Variants in SNX29 observed in about 807,000 individuals in gnomAD.
SNX29 encodes the protein sorting nexin 29, also known as sorting nexin-29.
Under a neutral mutation model 102.1 loss-of-function variants are expected in SNX29, and 78 were observed. That is an observed-to-expected ratio of 0.76 (90% CI 0.64 to 0.92). The LOEUF is 0.92. Ranked by LOEUF, SNX29 falls within the 40% of genes least tolerant of loss-of-function variation. SNX29 has a pLI of 0.00. For missense variants in SNX29, 1,280 were observed against 1,061.7 expected, an observed-to-expected ratio of 1.21 and a Z score of -2.86; for synonymous variants, 580 against 414.5, an observed-to-expected ratio of 1.40 and a Z score of -4.85.
chr16:12,212,211 A>G (rs2077204732), intron 14 of SNX29, among the ~76,000 whole-genome samples: 1 of 152,118 alleles, frequency 6.6e-6, no homozygotes, highest in African/African-American at 2.4e-5. Context: ...AAAATGCGCC[A>G]TGTTCGCCTT....
intron 13 of SNX29, among the ~76,000 whole-genome samples, chr16:12,171,242 G>T (rs1033430123): frequency 1.3e-5 from 2 of 152,080 alleles, no homozygotes; most frequent in Non-Finnish European, 2.9e-5. Flanking sequence ...CTATCTTCAC[G>T]TGATGACTAA....
chr16:12,528,707 C>G (rs970948705), intron 20 of SNX29, among the ~76,000 whole-genome samples: 6 of 152,198 alleles, frequency 3.9e-5, no homozygotes, highest in African/African-American at 9.7e-5. Flanking sequence ...GTTTGCAGTC[C>G]TGGCTCTTCT....
At chr16:12,417,931 G>A (rs772320990) in intron 18 of SNX29, among the ~76,000 whole-genome samples, 59 of 152,106 alleles carry the variant, frequency 3.9e-4, no homozygotes, top group Non-Finnish European at 7.6e-4. Flanking sequence ...TGGCTTCTTG[G>A]TACTCCGCAC....
chr16:12,303,585 C>T (rs903638638), intron 15 of SNX29, among the ~76,000 whole-genome samples: 1 of 152,126 alleles, frequency 6.6e-6, no homozygotes, highest in Non-Finnish European at 1.5e-5. Context: ...AAGGCAAGGG[C>T]ATGGTAACCA....
chr16:12,223,160 G>A (rs542002051), intron 14 of SNX29, among the ~76,000 whole-genome samples: 1 of 152,334 alleles, frequency 6.6e-6, no homozygotes, highest in South Asian at 2.1e-4. Flanking sequence ...CTACCACTCA[G>A]CAGCTGTGTG....
At chr16:12,082,263 C>T (rs9939383) in intron 11 of SNX29, among the ~76,000 whole-genome samples, 33,197 of 151,842 alleles carry the variant, frequency 0.22, 3,837 homozygotes, top group South Asian at 0.33. Flanking sequence ...TTTGTAGGCA[C>T]CGTAAGTAGG....
At chr16:12,118,944 T>C (rs960603680) in intron 11 of SNX29, among the ~76,000 whole-genome samples, 8 of 152,216 alleles carry the variant, frequency 5.3e-5, no homozygotes, top group African/African-American at 1.9e-4. Flanking sequence ...GGTGGAATGC[T>C]GCTTTGTAAA....
intron 13 of SNX29, among the ~76,000 whole-genome samples, chr16:12,162,030 C>T (rs927116713): frequency 3.3e-5 from 5 of 152,206 alleles, no homozygotes; most frequent in African/African-American, 1.2e-4. Flanking sequence ...TTCTTTTCAC[C>T]TTGCTCCTCT....
At chr16:12,460,476 C>T (rs909977339) in intron 18 of SNX29, among the ~76,000 whole-genome samples, 2 of 152,100 alleles carry the variant, frequency 1.3e-5, no homozygotes, top group Non-Finnish European at 2.9e-5. Flanking sequence ...CTTGTTACCT[C>T]CTCCTCCCCC....
intron 20 of SNX29, among the ~76,000 whole-genome samples, chr16:12,526,393 C>T (rs2076784320): frequency 6.6e-6 from 1 of 152,182 alleles, no homozygotes; most frequent in Non-Finnish European, 1.5e-5. Flanking sequence ...AAATTGTCTC[C>T]AAGATGGTTG....
chr16:12,312,913 T>C (rs191011647), intron 15 of SNX29, among the ~76,000 whole-genome samples: 16 of 152,292 alleles, frequency 1.1e-4, no homozygotes, highest in African/African-American at 3.6e-4. Flanking sequence ...CAGAAGGCTG[T>C]GTGGCTTGCC....
At chr16:12,028,199 G>A (rs1462984672) in intron 4 of SNX29, among the ~76,000 whole-genome samples, 1 of 152,130 alleles carries the variant, frequency 6.6e-6, no homozygotes, top group Non-Finnish European at 1.5e-5. Flanking sequence ...AAAATGTGCT[G>A]TCTTTGGCTG....
At chr16:12,462,380 A>T (rs1181269966) in intron 18 of SNX29, among the ~76,000 whole-genome samples, 2 of 152,128 alleles carry the variant, frequency 1.3e-5, no homozygotes, top group Non-Finnish European at 2.9e-5. Context: ...GGAGGATTGG[A>T]GGTGTGTTGT....
intron 19 of SNX29, among the ~76,000 whole-genome samples, chr16:12,494,881 A>C (rs1459196389): frequency 6.6e-6 from 1 of 152,178 alleles, no homozygotes; most frequent in South Asian, 2.1e-4. Flanking sequence ...CCTGCTTCAC[A>C]TCAGTGGCAC....
At chr16:12,235,865 C>A (rs1465406801) in intron 14 of SNX29, among the ~76,000 whole-genome samples, 1 of 151,168 alleles carries the variant, frequency 6.6e-6, no homozygotes, top group African/African-American at 2.4e-5. Flanking sequence ...AATCACAGTT[C>A]TTTTGGCAGT....
At chr16:12,553,541 C>T (rs1429272221) in intron 20 of SNX29, among the ~76,000 whole-genome samples, 2 of 152,132 alleles carry the variant, frequency 1.3e-5, no homozygotes, top group African/African-American at 2.4e-5. Context: ...CCCCACAGAG[C>T]ACTGCAGGGA....
At chr16:12,254,177 G>A (rs1009473363) in intron 14 of SNX29, among the ~76,000 whole-genome samples, 5 of 152,138 alleles carry the variant, frequency 3.3e-5, no homozygotes, top group African/African-American at 1.2e-4. Context: ...CAGAAGGAAC[G>A]TGGGTATCAA....
intron 18 of SNX29, among the ~76,000 whole-genome samples, chr16:12,444,227 T>G (rs2430663): frequency 6.8e-6 from 1 of 147,106 alleles, no homozygotes; most frequent in Non-Finnish European, 1.5e-5. Flanking sequence ...GCCCCTAGCA[T>G]GTGGTAAGCA....
intron 16 of SNX29, among the ~76,000 whole-genome samples, chr16:12,378,545 A>G (rs2082961796): frequency 6.6e-6 from 1 of 152,148 alleles, no homozygotes; most frequent in Non-Finnish European, 1.5e-5. Context: ...GCTACTCAAG[A>G]GGGTGAGTCA....
Sources: gnomAD v4.1 joint callset for allele counts (sites outside exome capture counted in the v4.1 genomes callset) on GRCh38, gnomAD v4.1.1 for gene constraint, MANE v1.5 for transcripts, NCBI Gene and HGNC (gene_info 2026-07-23, HGNC 2026-07-21) for gene names.